The following RPS3 variants were observed in gnomAD, a reference collection of about 807,000 sequenced individuals.
RPS3 encodes ribosomal protein S3.
A neutral mutation model predicts 25.8 loss-of-function variants in RPS3; 2 were observed. The observed-to-expected ratio is 0.08, with a 90% confidence interval of 0.03 to 0.24. RPS3 has a LOEUF of 0.24. RPS3 is among the 10% of genes least tolerant of loss of function. The pLI is 1.00. For synonymous variants in RPS3, 114 were observed against 114.2 expected, an observed-to-expected ratio of 1.00 and a Z score of 0.01; for missense variants, 107 against 307.1, an observed-to-expected ratio of 0.35 and a Z score of 4.87.
chr11:75,400,877 G>GTTTA (rs747365865), intron 2 of RPS3, 53 bp downstream of exon 2: 60 of 1,569,532 alleles, frequency 3.8e-5, no homozygotes, highest in Non-Finnish European at 4.9e-5. Context: ...TGCTAAGTTG[G>GTTTA]TTTATTTATT....
Position 75,405,946 on chromosome 11 carries a change from A to C in RPS3, c.*336A>C, listed in dbSNP as rs1249195784. The C allele has an allele frequency of 5.0e-6, 1 of 198,412 alleles. No homozygotes were observed. The highest frequency in any genetic ancestry group is 2.3e-5 in the African/African-American group (1 of 42,772). The allele number at this position is 198,412 out of a possible 1,614,324, so 12.3% of individuals were successfully genotyped here. ...GGATATGTTTGAGTTTTTCCTATGC[A>C]TAAGGCGATCCACGTTGCACATAGA... On this transcript the variant is annotated 3_prime_UTR_variant, in exon 7 of 7. Coordinates refer to ENST00000531188, the MANE Select transcript of RPS3 (RefSeq NM_001005.5).
chr11:75,407,836 T>C (rs1948304437), downstream of RPS3, among the ~76,000 whole-genome samples: 1 of 152,240 alleles, frequency 6.6e-6, no homozygotes, highest in Admixed American at 6.5e-5. Context: ...TTAGGTGATC[T>C]TTTAAATTCC....
intron 1 of RPS3, 87 bp from the exon 2 acceptor site, chr11:75,400,607 T>C: frequency 6.4e-7 from 1 of 1,566,928 alleles, no homozygotes; most frequent in South Asian, 1.1e-5. Context: ...TGGTGAGGGA[T>C]GCATTGACTA....
chr11:75,412,737 G>A (rs939970669), intron 6 of RPS3, among the ~76,000 whole-genome samples: 8 of 152,200 alleles, frequency 5.3e-5, no homozygotes, highest in Admixed American at 1.3e-4. Flanking sequence ...CTGATTGCCA[G>A]TGAAATAAAG....
intron 6 of RPS3, among the ~76,000 whole-genome samples, chr11:75,414,699 A>C (rs1948382859): frequency 1.3e-5 from 2 of 152,230 alleles, no homozygotes; most frequent in Admixed American, 1.3e-4. Context: ...AGCTGCTGAC[A>C]GACTGGGAGC....
downstream of RPS3, among the ~76,000 whole-genome samples, chr11:75,410,620 T>C (rs1446421572): frequency 2.6e-5 from 4 of 152,212 alleles, no homozygotes; most frequent in Non-Finnish European, 5.9e-5. Context: ...CTCGGCACTT[T>C]GGGAGGCCAA....
downstream of RPS3, among the ~76,000 whole-genome samples, chr11:75,408,857 G>GA (rs1195795114): frequency 1.3e-5 from 2 of 152,180 alleles, no homozygotes; most frequent in African/African-American, 4.8e-5. Context: ...ATCTTTTACA[G>GA]AAAACTATGT....
chr11:75,405,597 G>T lies in RPS3; in HGVS notation c.*4-17G>T. On this transcript the variant is annotated splice_polypyrimidine_tract_variant and intron_variant, in intron 6 of 6. Coordinates refer to ENST00000531188, the MANE Select transcript of RPS3 (RefSeq NM_001005.5). ...CTCTGGTAAAGTTTCTTACTTTTGT[G>T]CTTTATTTGGTTTCAGGGTCTCCTT... 2.2e-6 allele frequency: 1 copy of T among 455,324 alleles called. No individual in the cohort carries two copies. The highest frequency in any genetic ancestry group is 4.4e-6 in the Non-Finnish European group (1 of 226,904). 28.2% of individuals were successfully genotyped at this position (455,324 alleles called of 1,614,324 possible).
At chr11:75,409,147 AATTTTT>A (rs1203502434), downstream of RPS3, among the ~76,000 whole-genome samples, 6 of 151,568 alleles carry the variant, frequency 4.0e-5, no homozygotes, top group South Asian at 2.1e-4. Flanking sequence ...ATCTCTGACT[AATTTTT>A]ATTTTTATTT....
At chr11:75,405,500 T>C in intron 6 of RPS3, 114 bp from the exon 7 acceptor site, 1 of 410,522 alleles carries the variant, frequency 2.4e-6, no homozygotes, top group Non-Finnish European at 4.7e-6. Context: ...CCCTTATGTA[T>C]GCATTTTATT....
At chr11:75,415,559 G>A (rs1293291488) in intron 6 of RPS3, among the ~76,000 whole-genome samples, 1 of 152,112 alleles carries the variant, frequency 6.6e-6, no homozygotes, top group Non-Finnish European at 1.5e-5. Flanking sequence ...TATAATCCCA[G>A]CATGTTGGGA....
chr11:75,402,460 G>C lies in RPS3; in HGVS notation c.350+14G>C, dbSNP rs759116015. On this transcript the variant is annotated intron_variant, in intron 4 of 6. Coordinates refer to ENST00000531188, the MANE Select transcript of RPS3 (RefSeq NM_001005.5). ...TGCTGTGCGGAGGTAAGTGTCCTGA[G>C]ACCTAATGGTCATGACCTTTTGTGT... 3 of 1,596,620 alleles carry C rather than the reference G, an allele frequency of 1.9e-6. No homozygotes were observed. The highest frequency in any genetic ancestry group is 1.3e-5 in the African/African-American group (1 of 74,748).
At chr11:75,417,572 G>A (rs1459271833) in intron 6 of RPS3, among the ~76,000 whole-genome samples, 1 of 152,220 alleles carries the variant, frequency 6.6e-6, no homozygotes, top group African/African-American at 2.4e-5. Context: ...ATTCCAGCCT[G>A]GGTGACAGAG....
downstream of RPS3, among the ~76,000 whole-genome samples, chr11:75,409,091 C>A (rs1262454828): frequency 6.6e-6 from 1 of 152,176 alleles, no homozygotes; most frequent in Non-Finnish European, 1.5e-5. Flanking sequence ...AAGCCATCCT[C>A]CCACTTCAAC....
At chr11:75,411,221 A>T (rs562544540), downstream of RPS3, among the ~76,000 whole-genome samples, 11 of 152,166 alleles carry the variant, frequency 7.2e-5, no homozygotes, top group African/African-American at 2.4e-4. Flanking sequence ...CATGTTGCCC[A>T]GTCTGGTCTT....
chr11:75,400,274 T>G, intron 1 of RPS3: 1 of 443,876 alleles, frequency 2.3e-6, no homozygotes, highest in Non-Finnish European at 4.5e-6. Context: ...AGCTTATATG[T>G]TAAGTCTACT....
At chr11:75,421,232 G>T (rs921146885) in intron 6 of RPS3, among the ~76,000 whole-genome samples, 2 of 152,204 alleles carry the variant, frequency 1.3e-5, no homozygotes, top group African/African-American at 4.8e-5. Flanking sequence ...CTGCCATGAT[G>T]GGCCGGCCCC....
intron 6 of RPS3, among the ~76,000 whole-genome samples, chr11:75,419,078 G>A (rs1948423875): frequency 6.6e-6 from 1 of 152,106 alleles, no homozygotes; most frequent in African/African-American, 2.4e-5. Flanking sequence ...TGCCAGAGGG[G>A]GTGGGTGCCA....
chr11:75,413,244 T>C (rs1384229600), intron 6 of RPS3, among the ~76,000 whole-genome samples: 2 of 101,620 alleles, frequency 2.0e-5, no homozygotes, highest in Non-Finnish European at 4.1e-5. Context: ...TGTATATATA[T>C]ATATATTTTT....
Sources: allele counts gnomAD v4.1 joint callset (sites outside exome capture counted in the v4.1 genomes callset), GRCh38; gene constraint gnomAD v4.1.1; transcripts MANE v1.5; gene names NCBI Gene and HGNC (gene_info 2026-07-23, HGNC 2026-07-21).